The following BCAS4 variants were observed in gnomAD, a reference collection of about 807,000 sequenced individuals.
BCAS4 encodes breast carcinoma amplified sequence 4, also known as breast carcinoma-amplified sequence 4.
In BCAS4, 9 loss-of-function variants were observed where a neutral mutation model predicts 15.7. That is an observed-to-expected ratio of 0.57 (90% CI 0.34 to 1.00). BCAS4 has a LOEUF of 1.00. Among genes scored for constraint, BCAS4 ranks in the 50% least tolerant of loss-of-function variants. The probability of loss-of-function intolerance (pLI) is 0.02; values close to 1 mark genes in which losing one functional copy is unlikely to be tolerated. For missense variants in BCAS4, 225 were observed against 239.1 expected (o/e 0.94, Z 0.39); for synonymous variants, 101 against 99.5 (o/e 1.02, Z -0.09).
At chr20:50,872,936 G>A (rs775745029) in intron 4 of BCAS4, among the ~76,000 whole-genome samples, 57 of 152,182 alleles carry the variant, frequency 3.7e-4, no homozygotes, top group Non-Finnish European at 6.6e-4. Flanking sequence ...GGAGCCCCTG[G>A]GGGCTCCTAG....
chr20:50,816,018 A>G (rs1241656654), intron 1 of BCAS4, among the ~76,000 whole-genome samples: 2 of 152,146 alleles, frequency 1.3e-5, no homozygotes. Flanking sequence ...GGGGGAAAAA[A>G]AACCTAATTT....
chr20:50,837,906 C>T (rs2088429238), intron 3 of BCAS4, among the ~76,000 whole-genome samples: 1 of 152,208 alleles, frequency 6.6e-6, no homozygotes, highest in Admixed American at 6.5e-5. Flanking sequence ...CTGGCTGAGC[C>T]AGGCCTCTGA....
chr20:50,794,929 T>TGGAGCTG, upstream of BCAS4: 2 of 1,110,852 alleles, frequency 1.8e-6, no homozygotes, highest in Non-Finnish European at 2.2e-6. Flanking sequence ...CCGGCGCTCC[T>TGGAGCTG]GGAGCTGCGA....
chr20:50,882,572 C>T, the BCAS4 span: 4 of 152,260 alleles, frequency 2.6e-5, no homozygotes, highest in African/African-American at 9.6e-5. Flanking sequence ...TGAGAGGTAT[C>T]CTTTTCACTG....
chr20:50,865,310 C>A (rs932512172), intron 4 of BCAS4, among the ~76,000 whole-genome samples: 5 of 151,866 alleles, frequency 3.3e-5, no homozygotes, highest in Admixed American at 3.3e-4. Context: ...CCATGGACAG[C>A]AGAGTTTGTT....
At chr20:50,860,513 T>C (rs1329669636) in intron 4 of BCAS4, among the ~76,000 whole-genome samples, 1 of 152,244 alleles carries the variant, frequency 6.6e-6, no homozygotes, top group Non-Finnish European at 1.5e-5. Flanking sequence ...CGGTGCAGTC[T>C]GTGACCCTTT....
intron 1 of BCAS4, among the ~76,000 whole-genome samples, chr20:50,815,923 G>A (rs539933360): frequency 6.6e-6 from 1 of 152,158 alleles, no homozygotes; most frequent in African/African-American, 2.4e-5. Context: ...TGTGCTTGGC[G>A]AACTTTCTTC....
At chr20:50,837,965 C>T (rs1265958677) in intron 3 of BCAS4, among the ~76,000 whole-genome samples, 1 of 149,668 alleles carries the variant, frequency 6.7e-6, no homozygotes, top group African/African-American at 2.5e-5. Context: ...CACCCACCCA[C>T]CTCTACACAC....
chr20:50,823,880 CAT>C (rs1036522962), intron 2 of BCAS4, among the ~76,000 whole-genome samples: 11 of 152,018 alleles, frequency 7.2e-5, no homozygotes, highest in Admixed American at 5.9e-4. Context: ...CAGATGTAAA[CAT>C]ATGTGCGGAT....
At chr20:50,815,197 G>A (rs868320982) in intron 1 of BCAS4, among the ~76,000 whole-genome samples, 15 of 152,162 alleles carry the variant, frequency 9.9e-5, no homozygotes, top group Admixed American at 3.3e-4. Flanking sequence ...CAGAAGTGCC[G>A]TGACCACGCC....
chr20:50,868,648 CTTGGACT>C (rs1979479320), intron 4 of BCAS4, among the ~76,000 whole-genome samples: 4 of 152,186 alleles, frequency 2.6e-5, no homozygotes, highest in African/African-American at 4.8e-5. Flanking sequence ...GCCTTGAACT[CTTGGACT>C]CAAGCAGTCC....
intron 2 of BCAS4, among the ~76,000 whole-genome samples, chr20:50,821,605 C>T (rs1259246126): frequency 6.6e-6 from 1 of 152,120 alleles, no homozygotes; most frequent in African/African-American, 2.4e-5. Flanking sequence ...GGTGATGTCA[C>T]ACCACGGACC....
chr20:50,811,267 A>AGG (rs1440891726), intron 1 of BCAS4, among the ~76,000 whole-genome samples: 1 of 152,110 alleles, frequency 6.6e-6, no homozygotes, highest in Non-Finnish European at 1.5e-5. Context: ...CAAGAGGCTG[A>AGG]GGCGGGAGGA....
At chr20:50,833,504 G>A (rs932026922) in intron 3 of BCAS4, among the ~76,000 whole-genome samples, 1 of 152,146 alleles carries the variant, frequency 6.6e-6, no homozygotes, top group African/African-American at 2.4e-5. Context: ...GATACTATTA[G>A]CATCCCTCCA....
chr20:50,842,287 C>T (rs1324404640), intron 4 of BCAS4, among the ~76,000 whole-genome samples: 1 of 152,170 alleles, frequency 6.6e-6, no homozygotes, highest in Non-Finnish European at 1.5e-5. Context: ...CCCAACAAGC[C>T]GGGGAAGGGG....
intron 3 of BCAS4, chr20:50,840,823 T>TC: frequency 1.0e-6 from 1 of 1,002,822 alleles, no homozygotes; most frequent in Non-Finnish European, 1.6e-6. Context: ...CACCACTGAG[T>TC]TGTCCAATTT....
intron 2 of BCAS4, among the ~76,000 whole-genome samples, chr20:50,829,624 TTCTC>T (rs1261527281): frequency 1.3e-5 from 2 of 152,070 alleles, no homozygotes; most frequent in Admixed American, 6.6e-5. Flanking sequence ...GAATCTCTCG[TTCTC>T]TCTCACACAC....
chr20:50,798,254 C>G (rs1327214100), intron 1 of BCAS4, among the ~76,000 whole-genome samples: 1 of 152,054 alleles, frequency 6.6e-6, no homozygotes, highest in Non-Finnish European at 1.5e-5. Flanking sequence ...CGAGATCATG[C>G]CACTGCACTC....
At chr20:50,866,510 C>T (rs986975838) in intron 4 of BCAS4, among the ~76,000 whole-genome samples, 1 of 152,234 alleles carries the variant, frequency 6.6e-6, no homozygotes, top group Non-Finnish European at 1.5e-5. Context: ...GAGAAATAGG[C>T]ACTCAATGTT....
Sources: gnomAD v4.1 joint callset for allele counts (sites outside exome capture counted in the v4.1 genomes callset) on GRCh38, gnomAD v4.1.1 for gene constraint, MANE v1.5 for transcripts, NCBI Gene and HGNC (gene_info 2026-07-23, HGNC 2026-07-21) for gene names.